SUPT3H: variants seen among roughly 807,000 people sequenced by gnomAD.
The protein encoded by SUPT3H is transcription initiation protein SPT3 homolog.
SUPT3H carries 44 observed loss-of-function variants against 44.3 expected under a neutral mutation model. The observed-to-expected ratio is 0.99, with a 90% CI of 0.78 to 1.28. The LOEUF (loss-of-function observed/expected upper bound fraction) is 1.28, where lower values mean the gene tolerates loss of function less well. Ranked by LOEUF, SUPT3H falls within the 50% of genes most tolerant of loss-of-function variation. SUPT3H has a pLI of 0.00. For missense variants in SUPT3H, 380 were observed against 387.1 expected (o/e 0.98, Z 0.15); for synonymous variants, 124 against 125.6 (o/e 0.99, Z 0.09).
In SUPT3H at chr6:45,321,965, AATC is replaced by A. The variant is rs1473303812; in HGVS notation, c.101+43233_101+43235del. 10 of 901,694 alleles carry A rather than the reference AATC, an allele frequency of 1.1e-5. No individual in the cohort carries two copies. In the African/African-American group the frequency reaches 1.6e-4, roughly 14 times the overall value. The allele number at this position is 901,694 out of a possible 1,614,324, so 55.9% of individuals were successfully genotyped here. On this transcript the variant is annotated intron_variant, in intron 2 of 10. Transcript: ENST00000371459. ...AATAAATACCTAAGAAATATTCATT[AATC>A]ATCAAGTAAAAAGTCTTGTGACCTC...
intron 2 of SUPT3H, among the ~76,000 whole-genome samples, chr6:45,361,979 A>G (rs1794340825): frequency 6.6e-6 from 1 of 152,164 alleles, no homozygotes; most frequent in Non-Finnish European, 1.5e-5. Flanking sequence ...TGAGGCCGGG[A>G]GGCAGAGTTT....
At chr6:44,890,448 T>C (rs950936876) in intron 10 of SUPT3H, among the ~76,000 whole-genome samples, 13 of 151,706 alleles carry the variant, frequency 8.6e-5, no homozygotes, top group East Asian at 5.8e-4. Context: ...GATGAGTTCA[T>C]GTCCTTTGTA....
chr6:44,900,471 G>A (rs971454292), intron 10 of SUPT3H, among the ~76,000 whole-genome samples: 1 of 152,232 alleles, frequency 6.6e-6, no homozygotes, highest in African/African-American at 2.4e-5. Context: ...AGCAAGGCTG[G>A]GGGAGGGGCG....
chr6:44,923,848 A>T (rs669087), intron 10 of SUPT3H, among the ~76,000 whole-genome samples: 149,116 of 152,212 alleles, frequency 0.98, 73,053 homozygotes, highest in Middle Eastern at 1. Context: ...CAAAAAAACA[A>T]TAAACAATTT....
intron 2 of SUPT3H, among the ~76,000 whole-genome samples, chr6:45,273,382 C>G (rs966225734): frequency 2.0e-5 from 3 of 152,106 alleles, no homozygotes; most frequent in Non-Finnish European, 2.9e-5. Flanking sequence ...TGTGAAGCAT[C>G]AGTGATTTCA....
chr6:45,019,112 T>C (rs1434224430), intron 4 of SUPT3H, among the ~76,000 whole-genome samples: 4 of 152,196 alleles, frequency 2.6e-5, no homozygotes, highest in Non-Finnish European at 5.9e-5. Context: ...CCATTTCTTC[T>C]AGATTTTCTA....
intron 2 of SUPT3H, among the ~76,000 whole-genome samples, chr6:45,148,043 A>G (rs766437196): frequency 3.3e-5 from 5 of 152,170 alleles, no homozygotes. Context: ...CACTGCTGGT[A>G]GCAACTAACT....
chr6:44,846,996 C>T (rs1418921326), intron 10 of SUPT3H, among the ~76,000 whole-genome samples: 1 of 152,228 alleles, frequency 6.6e-6, no homozygotes, highest in African/African-American at 2.4e-5. Flanking sequence ...TAAGGCTTAC[C>T]GTTTGACTTT....
chr6:45,003,634 A>G lies in SUPT3H; in HGVS notation c.504+19T>C. On this transcript the variant is annotated intron_variant, in intron 6 of 10. Coordinates refer to ENST00000371459, the MANE Select transcript of SUPT3H (RefSeq NM_003599.4). ...CAATGATTGTTCTATTTCTGTAAAA[A>G]GGGAAGAATGTACTATACCTCCATT... The G allele has an allele frequency of 6.2e-7, 1 of 1,609,548 alleles. No homozygotes were observed. Among genetic ancestry groups the G allele is most frequent in the Middle Eastern group, 1.7e-4 (1 of 5,882 alleles).
intron 3 of SUPT3H, among the ~76,000 whole-genome samples, chr6:45,048,107 G>A (rs1048701030): frequency 6.6e-6 from 1 of 151,580 alleles, no homozygotes; most frequent in African/African-American, 2.4e-5. Context: ...TTAGTTAATA[G>A]TAAAGTGTAT....
At chr6:45,067,358 C>A (rs1583357219) in intron 3 of SUPT3H, among the ~76,000 whole-genome samples, 4 of 126,816 alleles carry the variant, frequency 3.2e-5, no homozygotes, top group Admixed American at 2.5e-4. Context: ...ACCATAAAAA[C>A]CCTAGAAGAA....
intron 2 of SUPT3H, among the ~76,000 whole-genome samples, chr6:45,279,343 T>C (rs548829082): frequency 6.6e-6 from 1 of 152,304 alleles, no homozygotes; most frequent in African/African-American, 2.4e-5. Context: ...TATGTTTGTG[T>C]GCATGTATGA....
At chr6:45,281,413 G>A (rs1429029418) in intron 2 of SUPT3H, among the ~76,000 whole-genome samples, 1 of 152,202 alleles carries the variant, frequency 6.6e-6, no homozygotes, top group East Asian at 1.9e-4. Flanking sequence ...CTTTTCCAAT[G>A]GTCTTAGCAA....
At chr6:45,304,805 C>T (rs1782731353) in intron 2 of SUPT3H, among the ~76,000 whole-genome samples, 1 of 152,012 alleles carries the variant, frequency 6.6e-6, no homozygotes, top group African/African-American at 2.4e-5. Context: ...TGCCATTATA[C>T]CTAGATTCTT....
At chr6:44,813,207 A>G (rs1490002486) in intron 11 of SUPT3H, among the ~76,000 whole-genome samples, 2 of 152,194 alleles carry the variant, frequency 1.3e-5, no homozygotes, top group South Asian at 2.1e-4. Context: ...TTTCTTTAAG[A>G]CAAGGTCTTG....
intron 2 of SUPT3H, among the ~76,000 whole-genome samples, chr6:45,341,865 C>G (rs537428621): frequency 8.5e-5 from 13 of 152,254 alleles, no homozygotes; most frequent in African/African-American, 2.9e-4. Context: ...ATTATTCACA[C>G]TTATTTCATC....
intron 4 of SUPT3H, among the ~76,000 whole-genome samples, chr6:45,018,069 G>T (rs1038251932): frequency 6.6e-6 from 1 of 151,992 alleles, no homozygotes; most frequent in Admixed American, 6.6e-5. Context: ...CATGTCCCTT[G>T]TAAGTTGGAT....
chr6:45,279,703 T>C (rs1584654567), intron 2 of SUPT3H, among the ~76,000 whole-genome samples: 1 of 152,320 alleles, frequency 6.6e-6, no homozygotes, highest in East Asian at 1.9e-4. Flanking sequence ...CTTTTCTTCA[T>C]AAATTACCGA....
chr6:45,065,222 A>C (rs1793039322), intron 3 of SUPT3H, among the ~76,000 whole-genome samples: 1 of 150,962 alleles, frequency 6.6e-6, no homozygotes, highest in East Asian at 1.9e-4. Flanking sequence ...TGGGTACATA[A>C]CGAAATGAAG....
Sources: allele counts gnomAD v4.1 joint callset (sites outside exome capture counted in the v4.1 genomes callset), GRCh38; gene constraint gnomAD v4.1.1; transcripts MANE v1.5; gene names NCBI Gene and HGNC (gene_info 2026-07-23, HGNC 2026-07-21).